PDE1A: variants seen among roughly 807,000 people sequenced by gnomAD.
The protein encoded by PDE1A is dual specificity calcium/calmodulin-dependent 3',5'-cyclic nucleotide phosphodiesterase 1A.
A neutral mutation model predicts 61.7 loss-of-function variants in PDE1A; 35 were observed. The observed-to-expected ratio is 0.57, with a 90% CI of 0.43 to 0.75. The LOEUF is 0.75. PDE1A is among the 30% of genes least tolerant of loss of function. PDE1A has a pLI of 0.00. For missense variants in PDE1A, 597 were observed against 630.6 expected (o/e 0.95, Z 0.57); for synonymous variants, 232 against 213.2 (o/e 1.09, Z -0.77).
intron 1 of PDE1A, among the ~76,000 whole-genome samples, chr2:182,322,587 A>T (rs724376): frequency 0.65 from 98,237 of 151,596 alleles, 33,445 homozygotes; most frequent in Middle Eastern, 0.79. Context: ...CAGTCTCAGA[A>T]GTTTCTTCAT....
chr2:182,376,832 C>G (rs767511414), intron 1 of PDE1A, among the ~76,000 whole-genome samples: 1 of 152,120 alleles, frequency 6.6e-6, no homozygotes, highest in African/African-American at 2.4e-5. Flanking sequence ...CAAGGAGGAG[C>G]AAGTCACATC....
intron 1 of PDE1A, among the ~76,000 whole-genome samples, chr2:182,426,113 C>T (rs900214335): frequency 1.3e-5 from 2 of 152,098 alleles, no homozygotes; most frequent in Admixed American, 6.6e-5. Context: ...TATTCCTGAG[C>T]GAGCTGTAAA....
chr2:182,179,007 C>T (rs1190134414), intron 13 of PDE1A, among the ~76,000 whole-genome samples: 1 of 152,202 alleles, frequency 6.6e-6, no homozygotes, highest in Non-Finnish European at 1.5e-5. Context: ...GACTGCAATG[C>T]CATCTAAAGA....
exon 15 of PDE1A, chr2:182,140,920 T>C (rs1297701358): frequency 2.0e-5 from 3 of 150,354 alleles, no homozygotes; most frequent in African/African-American, 2.4e-5. Context: ...AGCAGTAGCA[T>C]GACAATACTT....
chr2:182,697,978 C>G, the PDE1A span, among the ~76,000 whole-genome samples: 1,130 of 152,276 alleles, frequency 7.4e-3, 21 homozygotes, highest in East Asian at 0.082. Flanking sequence ...CAAATAGGCA[C>G]TCAATAAATG....
chr2:182,544,978 T>C, the PDE1A span, among the ~76,000 whole-genome samples: 1 of 152,180 alleles, frequency 6.6e-6, no homozygotes, highest in Non-Finnish European at 1.5e-5. Flanking sequence ...TGTGTAATTA[T>C]TATTTTTATA....
chr2:182,256,139 G>T (rs1488280209), intron 2 of PDE1A, among the ~76,000 whole-genome samples: 1 of 139,088 alleles, frequency 7.2e-6, no homozygotes, highest in Admixed American at 7.4e-5. Context: ...CATTGTGCAG[G>T]TTAGTTACAT....
chr2:182,482,720 AC>A (rs1197679441), intron 2 of PDE1A, among the ~76,000 whole-genome samples: 6 of 152,006 alleles, frequency 3.9e-5, no homozygotes, highest in African/African-American at 1.4e-4. Context: ...TGGATATTTT[AC>A]AATAGTGGCA....
intron 2 of PDE1A, among the ~76,000 whole-genome samples, chr2:182,244,782 T>C (rs1387436870): frequency 1.3e-5 from 2 of 152,232 alleles, no homozygotes; most frequent in African/African-American, 2.4e-5. Flanking sequence ...AGAGAACTTC[T>C]TTCCAAATCA....
At chr2:182,500,633 T>C (rs1226857934) in intron 2 of PDE1A, among the ~76,000 whole-genome samples, 2 of 152,086 alleles carry the variant, frequency 1.3e-5, no homozygotes, top group Non-Finnish European at 2.9e-5. Flanking sequence ...AAATAAGAAA[T>C]TCAACCAAAA....
At chr2:182,370,969 C>G (rs1700098487) in intron 1 of PDE1A, among the ~76,000 whole-genome samples, 1 of 152,076 alleles carries the variant, frequency 6.6e-6, no homozygotes, top group South Asian at 2.1e-4. Flanking sequence ...AGTCTTACCA[C>G]AAGATACAGC....
chr2:182,668,473 G>A, the PDE1A span, among the ~76,000 whole-genome samples: 1 of 152,004 alleles, frequency 6.6e-6, no homozygotes, highest in Admixed American at 6.6e-5. Context: ...AGGCCACCAA[G>A]AGTAACTGTA....
At chr2:182,611,071 G>T in the PDE1A span, among the ~76,000 whole-genome samples, 2 of 152,164 alleles carry the variant, frequency 1.3e-5, no homozygotes, top group Non-Finnish European at 2.9e-5. Context: ...TAGATGAAAA[G>T]CAGAAGCTCA....
intron 1 of PDE1A, among the ~76,000 whole-genome samples, chr2:182,359,297 T>C (rs972867581): frequency 1.3e-5 from 2 of 152,158 alleles, no homozygotes; most frequent in African/African-American, 4.8e-5. Context: ...ACTCACTTAG[T>C]GGATAGTCTC....
the PDE1A span, among the ~76,000 whole-genome samples, chr2:182,681,154 T>A: frequency 6.6e-6 from 1 of 151,646 alleles, no homozygotes; most frequent in Non-Finnish European, 1.5e-5. Context: ...GCCTGTTTTT[T>A]TTGTTTTTTT....
chr2:182,527,121 AT>A (rs1468332348), upstream of PDE1A, among the ~76,000 whole-genome samples: 1 of 150,404 alleles, frequency 6.6e-6, no homozygotes, highest in Non-Finnish European at 1.5e-5. Context: ...AACCATTGAA[AT>A]TACATATTCA....
chr2:182,417,665 TGTTA>T (rs1703001858), intron 1 of PDE1A, among the ~76,000 whole-genome samples: 1 of 152,222 alleles, frequency 6.6e-6, no homozygotes, highest in Admixed American at 6.5e-5. Context: ...CCAATTATGA[TGTTA>T]ATCTTATCAA....
chr2:182,341,864 C>G (rs182865813), intron 1 of PDE1A, among the ~76,000 whole-genome samples: 26 of 152,188 alleles, frequency 1.7e-4, no homozygotes, highest in African/African-American at 6.0e-4. Context: ...CTTAAACAAT[C>G]CTCCCATCTC....
intron 2 of PDE1A, among the ~76,000 whole-genome samples, chr2:182,473,703 C>T (rs1237029421): frequency 6.6e-6 from 1 of 151,898 alleles, no homozygotes; most frequent in Non-Finnish European, 1.5e-5. Context: ...CATGTGTTCT[C>T]ATAATTTAGC....
Sources: allele counts gnomAD v4.1 joint callset (sites outside exome capture counted in the v4.1 genomes callset), GRCh38; gene constraint gnomAD v4.1.1; transcripts MANE v1.5; gene names NCBI Gene and HGNC (gene_info 2026-07-23, HGNC 2026-07-21).